The following ROBO2 variants were observed in gnomAD, a reference collection of about 807,000 sequenced individuals.
The protein encoded by ROBO2 is roundabout guidance receptor 2, also known as roundabout homolog 2.
In ROBO2, 53 loss-of-function variants were observed where a neutral mutation model predicts 160.8. That is an observed-to-expected ratio of 0.33 (90% CI 0.26 to 0.41). The LOEUF (loss-of-function observed/expected upper bound fraction) is 0.41, where lower values mean the gene tolerates loss of function less well. Among genes scored for constraint, ROBO2 ranks in the 10% least tolerant of loss-of-function variants. The probability of loss-of-function intolerance (pLI) is 1.00; values close to 1 mark genes in which losing one functional copy is unlikely to be tolerated. For missense variants in ROBO2, 1,577 were observed against 1,722.4 expected (o/e 0.92, Z 1.49); for synonymous variants, 664 against 611.7 (o/e 1.09, Z -1.26).
At chr3:76,817,266 T>C (rs1430963699) in intron 2 of ROBO2, among the ~76,000 whole-genome samples, 1 of 152,060 alleles carries the variant, frequency 6.6e-6, no homozygotes, top group Non-Finnish European at 1.5e-5. Context: ...GGAGTCTTTG[T>C]GCACATAAAC....
chr3:77,082,367 C>T (rs2068754545), intron 1 of ROBO2, among the ~76,000 whole-genome samples: 1 of 152,110 alleles, frequency 6.6e-6, no homozygotes, highest in African/African-American at 2.4e-5. Context: ...AACATCAGTA[C>T]ATCAAGGTAG....
intron 2 of ROBO2, among the ~76,000 whole-genome samples, chr3:76,874,865 G>A (rs2072529634): frequency 6.6e-6 from 1 of 152,198 alleles, no homozygotes; most frequent in Admixed American, 6.5e-5. Flanking sequence ...CAAGAACACA[G>A]ATCCCCTGAC....
At chr3:76,585,226 CTTTAT>C (rs1454412257) in intron 2 of ROBO2, among the ~76,000 whole-genome samples, 1 of 152,082 alleles carries the variant, frequency 6.6e-6, no homozygotes, top group Non-Finnish European at 1.5e-5. Flanking sequence ...AATTAAGGGA[CTTTAT>C]TTTACTATGA....
intron 2 of ROBO2, among the ~76,000 whole-genome samples, chr3:76,386,961 ACTC>A (rs897906024): frequency 1.3e-4 from 20 of 152,240 alleles, no homozygotes; most frequent in Admixed American, 7.2e-4. Flanking sequence ...GACTCAGTCT[ACTC>A]CTGCTGCTAT....
intron 2 of ROBO2, among the ~76,000 whole-genome samples, chr3:76,616,224 A>G (rs12629554): frequency 0.96 from 146,432 of 152,318 alleles, 70,575 homozygotes; most frequent in East Asian, 1. Flanking sequence ...CTACCTTACC[A>G]CTTTTATCCA....
chr3:76,641,614 GAAAAACA>G, intron 2 of ROBO2, among the ~76,000 whole-genome samples: 1 of 151,760 alleles, frequency 6.6e-6, no homozygotes, highest in African/African-American at 2.4e-5. Context: ...AGATGTTTGA[GAAAAACA>G]AAAAACAAAA....
intron 2 of ROBO2, among the ~76,000 whole-genome samples, chr3:76,622,242 GAAAGAAAGAAAGAAAGA>G (rs2089206876): frequency 2.4e-4 from 22 of 92,224 alleles, no homozygotes; most frequent in African/African-American, 5.5e-4. Flanking sequence ...AAGGAAGAAA[GAAAGAAAGAAAGAAAGA>G]AAGAAAGAAA....
rs544273257 is a variant in ROBO2 at position 76,279,164 on chromosome 3, C to T, written c.109+341562C>T. ...CTTATATATGCATGTGGTGTGTGTA[C>T]GAGAGAGAGAGAATAGGATGACCAT... On this transcript the variant is annotated intron_variant, in intron 2 of 26. Coordinates refer to the ROBO2 transcript ENST00000487694. Among the ~76,000 whole-genome samples the T allele has an allele frequency of 4.0e-5, 6 of 150,344 alleles. No homozygotes were observed. In the South Asian group the frequency reaches 8.3e-4, roughly 21 times the overall value.
intron 2 of ROBO2, among the ~76,000 whole-genome samples, chr3:76,664,224 A>G (rs2091935223): frequency 6.6e-6 from 1 of 152,182 alleles, no homozygotes; most frequent in Admixed American, 6.5e-5. Flanking sequence ...TAATTAGAGA[A>G]AAGATGAAGG....
intron 2 of ROBO2, among the ~76,000 whole-genome samples, chr3:76,980,411 T>A (rs1201926632): frequency 6.6e-6 from 1 of 152,148 alleles, no homozygotes; most frequent in Non-Finnish European, 1.5e-5. Context: ...AGCTGGAGGA[T>A]GAACGGTTCC....
intron 2 of ROBO2, among the ~76,000 whole-genome samples, chr3:77,318,012 T>C (rs2064244029): frequency 6.7e-6 from 1 of 149,840 alleles, no homozygotes; most frequent in South Asian, 2.1e-4. Flanking sequence ...TTTTATTTTA[T>C]GTTATTTATT....
chr3:76,612,348 G>A (rs1296736683), intron 2 of ROBO2, among the ~76,000 whole-genome samples: 1 of 152,152 alleles, frequency 6.6e-6, no homozygotes, highest in Non-Finnish European at 1.5e-5. Flanking sequence ...TGCTGAGAGT[G>A]GGGTGTTGAA....
At chr3:76,840,445 TA>T (rs1431126448) in intron 2 of ROBO2, among the ~76,000 whole-genome samples, 1 of 150,964 alleles carries the variant, frequency 6.6e-6, no homozygotes, top group Non-Finnish European at 1.5e-5. Context: ...CCGTCTCTAC[TA>T]AAAATACAAA....
intron 2 of ROBO2, among the ~76,000 whole-genome samples, chr3:76,217,375 G>T (rs1019243590): frequency 2.6e-5 from 4 of 152,154 alleles, no homozygotes; most frequent in African/African-American, 9.7e-5. Context: ...GAATCCAGGA[G>T]CTGGCGTTTT....
chr3:76,103,585 C>T (rs909554723), intron 2 of ROBO2, among the ~76,000 whole-genome samples: 9 of 152,108 alleles, frequency 5.9e-5, no homozygotes, highest in African/African-American at 2.2e-4. Context: ...ATACTGATTA[C>T]GTTTACAGAC....
chr3:76,146,454 C>T (rs2071892118), intron 2 of ROBO2, among the ~76,000 whole-genome samples: 1 of 151,806 alleles, frequency 6.6e-6, no homozygotes, highest in Non-Finnish European at 1.5e-5. Context: ...CTCTCTATGT[C>T]TCTAATCTAG....
intron 2 of ROBO2, among the ~76,000 whole-genome samples, chr3:75,941,012 A>G (rs1948030268): frequency 1.3e-5 from 2 of 152,122 alleles, no homozygotes; most frequent in South Asian, 4.1e-4. Flanking sequence ...CACAGCGCCA[A>G]ACTCCTAGGT....
At chr3:76,831,458 G>C (rs948054319) in intron 2 of ROBO2, among the ~76,000 whole-genome samples, 1 of 152,080 alleles carries the variant, frequency 6.6e-6, no homozygotes, top group African/African-American at 2.4e-5. Flanking sequence ...AATTTGTATA[G>C]GGTTATATTT....
chr3:76,299,244 A>G (rs537701601), intron 2 of ROBO2, among the ~76,000 whole-genome samples: 1 of 152,304 alleles, frequency 6.6e-6, no homozygotes, highest in East Asian at 1.9e-4. Flanking sequence ...AGCAGTTGGG[A>G]GGGACCTGGA....
Sources: allele counts gnomAD v4.1 joint callset (sites outside exome capture counted in the v4.1 genomes callset), GRCh38; gene constraint gnomAD v4.1.1; transcripts MANE v1.5; gene names NCBI Gene and HGNC (gene_info 2026-07-23, HGNC 2026-07-21).